Variants in PPP1R3F observed in about 807,000 individuals in gnomAD.
PPP1R3F encodes the protein protein phosphatase 1 regulatory subunit 3F, also known as protein phosphatase 1, regulatory (inhibitor) subunit 3F.
In PPP1R3F, 29 loss-of-function variants were observed where a neutral mutation model predicts 24.2. The ratio of observed to expected loss-of-function variants is 1.20; its 90% CI spans 0.89 to 1.63. The LOEUF (loss-of-function observed/expected upper bound fraction) is 1.63. Among genes scored for constraint, PPP1R3F ranks in the 40% most tolerant of loss-of-function variants. The pLI is 0.00. For synonymous variants in PPP1R3F, 363 were observed against 340.1 expected (o/e 1.07, Z -0.74); for missense variants, 823 against 729.3 (o/e 1.13, Z -1.48).
At position 49,270,862 on chromosome X, in the gene PPP1R3F, G is replaced by A. The variant is rs1205914144; in HGVS notation, c.993G>A (p.Pro331=). The A allele has an allele frequency of 2.5e-6, 3 of 1,178,600 alleles. No individual in the cohort carries two copies. The highest frequency in any genetic ancestry group is 2.4e-5 in the Admixed American group (1 of 41,256). Residue 331 remains proline, a synonymous_variant, in exon 1 of 4, where the codon CCG becomes CCA. Coordinates refer to ENST00000055335, the MANE Select transcript of PPP1R3F (RefSeq NM_033215.5). ...EARQLKSCMK[P]VRRRPAEEEL... ...GGCAGCTGAAGAGCTGCATGAAGCC[G>A]GTGAGGCGCAGGTAATGTCAGCCAG...
intron 3 of PPP1R3F, among the ~76,000 whole-genome samples, chrX:49,293,965 G>C (rs781785573): frequency 8.9e-6 from 1 of 112,018 alleles, no homozygotes; most frequent in East Asian, 2.8e-4. Context: ...CTGCACTCCA[G>C]CCTGGGTGAA....
chrX:49,278,823 AAGG>A (rs1557120310), intron 1 of PPP1R3F, among the ~76,000 whole-genome samples: 1 of 112,397 alleles, frequency 8.9e-6, no homozygotes, highest in East Asian at 2.8e-4. Flanking sequence ...AGCCTGCATG[AAGG>A]AGGAGGGAGG....
chrX:49,294,684 G>T (rs2066318019), intron 3 of PPP1R3F, among the ~76,000 whole-genome samples: 1 of 108,799 alleles, frequency 9.2e-6, no homozygotes, highest in Non-Finnish European at 1.9e-5. Flanking sequence ...CTGAGGGGGG[G>T]TGGATCATGA....
At chrX:49,291,350 C>T (rs782209808), downstream of PPP1R3F, among the ~76,000 whole-genome samples, 4 of 98,630 alleles carry the variant, frequency 4.1e-5, no homozygotes, top group Non-Finnish European at 6.2e-5. Context: ...TCTTTCTTGA[C>T]GGAGTCTCGC....
rs1557118805 is a variant in PPP1R3F at position 49,270,378 on chromosome X, T to C, written c.509T>C (p.Val170Ala). ...CCGGTGCTGCGCGGGTTGGTACGCG[T>C]GCTGAACCGCTCCTTCGAGAAGGCG... Reference protein sequence around the residue: ...RPPVLRGLVRVLNRSFEKAVH... With the variant: ...RPPVLRGLVRALNRSFEKAVH... The change falls in exon 1 of 4, where the codon GTG becomes GCG. Residue 170 changes from valine to alanine, a missense_variant. Val to Ala is a moderately conservative substitution (Grantham distance 64, BLOSUM62 0). Transcript: ENST00000055335. 8.6e-7 allele frequency: 1 copy of C among 1,160,383 alleles called. No individual in the cohort carries two copies. Among genetic ancestry groups the C allele is most frequent in the African/African-American group, 1.8e-5 (1 of 56,203 alleles).
chrX:49,282,807 G>A (rs893066365), intron 3 of PPP1R3F, among the ~76,000 whole-genome samples: 2 of 109,596 alleles, frequency 1.8e-5, no homozygotes, highest in African/African-American at 3.3e-5. Context: ...CTTTTACTCC[G>A]AGTGAGGGGG....
chrX:49,289,795 G>A (rs918054351), downstream of PPP1R3F, among the ~76,000 whole-genome samples: 2 of 111,614 alleles, frequency 1.8e-5, no homozygotes, highest in African/African-American at 3.3e-5. Flanking sequence ...TGGGCTGGGC[G>A]CGGTGGCTCA....
At chrX:49,277,461 C>T (rs781987740) in intron 1 of PPP1R3F, among the ~76,000 whole-genome samples, 2 of 112,683 alleles carry the variant, frequency 1.8e-5, no homozygotes, top group African/African-American at 3.2e-5. Context: ...GGGGATGCCA[C>T]GTGGTACTTG....
At chrX:49,290,036 T>A (rs2066304098), downstream of PPP1R3F, among the ~76,000 whole-genome samples, 1 of 111,016 alleles carries the variant, frequency 9.0e-6, no homozygotes, top group Admixed American at 9.5e-5. Flanking sequence ...ACCACTGCAC[T>A]CTAGTCTGGG....
intron 1 of PPP1R3F, chrX:49,274,925 G>A (rs782164404): frequency 1.8e-4 from 20 of 111,069 alleles, no homozygotes; most frequent in African/African-American, 5.9e-4. Flanking sequence ...TCTCCCTCCT[G>A]TGCTCTGGGT....
chrX:49,281,449 A>G lies in PPP1R3F; in HGVS notation c.1048A>G (p.Thr350Ala), dbSNP rs1339145435. The G allele has an allele frequency of 8.3e-6, 10 of 1,204,506 alleles. No individual in the cohort carries two copies. Among genetic ancestry groups the G allele is most frequent in the Non-Finnish European group, 1.1e-5 (10 of 890,975 alleles). ...GAAGACGAAGAACATGGATGATAAC[A>G]CCTTTGCCATGGGTAAGCAATTGGC... Reference protein sequence around the residue: ...ELKTKNMDDNTFAMAEHPDVQ... With the variant: ...ELKTKNMDDNAFAMAEHPDVQ... Residue 350 changes from threonine to alanine, a missense_variant, in exon 2 of 4, where the codon ACC (threonine) becomes GCC (alanine). Transcript: ENST00000055335.
At chrX:49,299,532 A>G (rs922100245) in intron 3 of PPP1R3F, among the ~76,000 whole-genome samples, 37 of 112,177 alleles carry the variant, frequency 3.3e-4, no homozygotes, top group African/African-American at 1.1e-3. Context: ...GCAGAGCTTG[A>G]GCGCTGTGCT....
downstream of PPP1R3F, among the ~76,000 whole-genome samples, chrX:49,290,023 C>G (rs1049657557): frequency 1.8e-5 from 2 of 110,920 alleles, no homozygotes; most frequent in Non-Finnish European, 3.8e-5. Context: ...GGGCCGAGAT[C>G]GCACCACTGC....
chrX:49,282,729 G>A (rs2066257345), intron 3 of PPP1R3F, among the ~76,000 whole-genome samples: 1 of 105,412 alleles, frequency 9.5e-6, no homozygotes, highest in Non-Finnish European at 1.9e-5. Flanking sequence ...AGAGTGGTGC[G>A]GGGTGAGGGA....
In PPP1R3F at chrX:49,287,010, G is replaced by T. The variant is rs2066291053; in HGVS notation, c.2320G>T (p.Val774Leu). ...GACTCTGGGGGTCCTGGCCGGGCTA[G>T]TGGTGGTCCCTGTGGCTCTGAACAG... is the stretch of plus-strand genomic sequence containing the variant. ...TQTLGVLAGL[V>L]VVPVALNSGV... The change falls in exon 4 of 4, where the codon GTG becomes TTG. Residue 774 changes from valine (V) to leucine (L), a missense_variant. Transcript: ENST00000055335. 1.6e-6 allele frequency: 2 copies of T among 1,212,198 alleles called. No homozygotes were observed. The highest frequency in any genetic ancestry group is 2.2e-6 in the Non-Finnish European group (2 of 895,635).
rs782326211 is a variant in PPP1R3F at position 49,287,841 on chromosome X, GA to G, written c.*752del. The G allele has an allele frequency of 9.0e-6, 1 of 111,235 alleles. No homozygotes were observed. Among genetic ancestry groups the G allele is most frequent in the Admixed American group, 9.6e-5 (1 of 10,440 alleles). 9.2% of individuals were successfully genotyped at this position (111,235 alleles called of 1,213,427 possible). A position where few individuals can be genotyped will look rare whatever the true frequency, so the allele number is the denominator to read the frequency against. ...AGCTGTGGTCTCCTGTGGATGTGGG[GA>G]CATCAGTTGTGAATCAGCCACAAGG... On this transcript the variant is annotated 3_prime_UTR_variant, in exon 4 of 4. Coordinates refer to ENST00000055335, the MANE Select transcript of PPP1R3F (RefSeq NM_033215.5).
At chrX:49,288,948 A>G (rs1398013492), downstream of PPP1R3F, among the ~76,000 whole-genome samples, 2 of 110,937 alleles carry the variant, frequency 1.8e-5, no homozygotes. Flanking sequence ...AGCCTGGCCA[A>G]CATGGTGAAA....
chrX:49,288,491 T>C (rs189552855), downstream of PPP1R3F, among the ~76,000 whole-genome samples: 1 of 112,512 alleles, frequency 8.9e-6, no homozygotes, highest in East Asian at 2.8e-4. Context: ...TGTGTGTAGA[T>C]CATGACACAT....
chrX:49,287,804 G>A lies in PPP1R3F; in HGVS notation c.*714G>A, dbSNP rs2066297033. On this transcript the variant is annotated 3_prime_UTR_variant, in exon 4 of 4. Transcript: ENST00000055335. ...CATGAGGGTTTGGTGTCAGTCACAT[G>A]GTTGCAGTGGTAGCTGTGGTCTCCT... The A allele has an allele frequency of 9.0e-6, 1 of 111,730 alleles. No individual in the cohort carries two copies. The highest frequency in any genetic ancestry group is 1.9e-5 in the Non-Finnish European group (1 of 53,187). The allele number at this position is 111,730 out of a possible 1,213,427, so 9.2% of individuals were successfully genotyped here. A position where few individuals can be genotyped will look rare whatever the true frequency, so the allele number is the denominator to read the frequency against.
Sources: allele counts gnomAD v4.1 joint callset (sites outside exome capture counted in the v4.1 genomes callset), GRCh38; gene constraint gnomAD v4.1.1; transcripts MANE v1.5; gene names NCBI Gene and HGNC (gene_info 2026-07-23, HGNC 2026-07-21).